RIMS1: variants seen among roughly 807,000 people sequenced by gnomAD.
RIMS1 encodes the protein regulating synaptic membrane exocytosis 1.
A neutral mutation model predicts 214.1 loss-of-function variants in RIMS1; 83 were observed. The observed-to-expected ratio is 0.39, with a 90% confidence interval of 0.32 to 0.47. The LOEUF (loss-of-function observed/expected upper bound fraction) is 0.47, where lower values mean the gene tolerates loss of function less well. Among genes scored for constraint, RIMS1 ranks in the 20% least tolerant of loss-of-function variants. The pLI is 0.99. For synonymous variants in RIMS1, 793 were observed against 786.8 expected, an observed-to-expected ratio of 1.01 and a Z score of -0.13; for missense variants, 2,050 against 2,161.8, an observed-to-expected ratio of 0.95 and a Z score of 1.03.
At chr6:72,242,114 A>G (rs2067213556) in intron 9 of RIMS1, among the ~76,000 whole-genome samples, 200 bp from the exon 10 acceptor site, 1 of 152,082 alleles carries the variant, frequency 6.6e-6, no homozygotes, top group South Asian at 2.1e-4. Flanking sequence ...GGGGAAAAAA[A>G]GAAAAACAAA....
intron 23 of RIMS1, 34 bp from the exon 24 acceptor site, chr6:72,284,013 T>A (rs2091376653): frequency 6.6e-7 from 1 of 1,524,126 alleles, no homozygotes. Flanking sequence ...GCTTTATTCA[T>A]CATATATTTT....
intron 2 of RIMS1, among the ~76,000 whole-genome samples, chr6:72,003,125 T>G (rs1264366842): frequency 1.3e-5 from 2 of 152,136 alleles, no homozygotes; most frequent in African/African-American, 4.8e-5. Context: ...GGACTCAAAA[T>G]AACACTTAGG....
At chr6:72,007,750 G>T (rs1808386913) in intron 2 of RIMS1, among the ~76,000 whole-genome samples, 1 of 152,172 alleles carries the variant, frequency 6.6e-6, no homozygotes, top group South Asian at 2.1e-4. Context: ...TGAACGAAAT[G>T]AAGCGAGAAG....
At chr6:72,339,967 G>C (rs1448365790) in intron 29 of RIMS1, among the ~76,000 whole-genome samples, 1 of 152,030 alleles carries the variant, frequency 6.6e-6, no homozygotes, top group African/African-American at 2.4e-5. Context: ...ACTTTTTAAT[G>C]ATCACCATTC....
chr6:72,182,139 A>G lies in RIMS1; in HGVS notation c.813-145A>G. The G allele has an allele frequency of 7.5e-6, 6 of 798,960 alleles. No individual in the cohort carries two copies. In the South Asian group the frequency reaches 1.4e-4, roughly 19 times the overall value. The allele number at this position is 798,960 out of a possible 1,614,324, so 49.5% of individuals were successfully genotyped here. A position where few individuals can be genotyped will look rare whatever the true frequency, so the allele number is the denominator to read the frequency against. Reference sequence around the variant, plus strand: ...ATCCCTTACCTTGTAAAATTCCAACACCCTTACAGTTCCACCTTCAGATCC... The same window carrying G: ...ATCCCTTACCTTGTAAAATTCCAACGCCCTTACAGTTCCACCTTCAGATCC... On this transcript the variant is annotated intron_variant, in intron 5 of 33. Coordinates refer to ENST00000521978, the MANE Select transcript of RIMS1 (RefSeq NM_014989.7).
intron 23 of RIMS1, among the ~76,000 whole-genome samples, chr6:72,277,687 TGTA>T (rs1333339914): frequency 6.6e-6 from 1 of 152,148 alleles, no homozygotes; most frequent in Non-Finnish European, 1.5e-5. Context: ...ATTTTAAAAT[TGTA>T]GTGAAAATTT....
chr6:71,937,179 C>T (rs1178015072), intron 1 of RIMS1, among the ~76,000 whole-genome samples: 1 of 152,058 alleles, frequency 6.6e-6, no homozygotes, highest in Non-Finnish European at 1.5e-5. Context: ...TGCTGTTATG[C>T]CAGATTGCCA....
chr6:71,927,720 T>C lies in RIMS1; in HGVS notation c.164+40533T>C, dbSNP rs538024823. 3.3e-5 allele frequency among the ~76,000 whole-genome samples: 5 copies of C among 152,256 alleles called. No individual in the cohort carries two copies. The East Asian group carries it at 9.6e-4, about 29-fold the overall frequency. On this transcript the variant is annotated intron_variant, in intron 1 of 33. Transcript: ENST00000521978. ...CAACTAATGGTTAGCTCTTCTTTTT[T>C]GAACTTTATCATTACTTTGAAAAAA...
At chr6:71,945,272 GA>G (rs1441357210) in intron 1 of RIMS1, among the ~76,000 whole-genome samples, 1 of 152,038 alleles carries the variant, frequency 6.6e-6, no homozygotes, top group Non-Finnish European at 1.5e-5. Flanking sequence ...CAGCTATGGG[GA>G]AAAAAAGAGA....
chr6:72,345,967 CA>C (rs1363982983), intron 29 of RIMS1, among the ~76,000 whole-genome samples: 2 of 151,574 alleles, frequency 1.3e-5, no homozygotes, highest in Non-Finnish European at 3.0e-5. Flanking sequence ...ATAGAACTGG[CA>C]ATTGAAATCA....
Position 72,182,541 on chromosome 6 carries a change from G to A in RIMS1, c.1070G>A (p.Ser357Asn). The change falls in exon 6 of 34, where the codon AGC becomes AAC. Residue 357 changes from serine to asparagine, a missense_variant. Around this residue, in one of 6 missense-constraint regions of RIMS1, gnomAD observed 882 missense variants for 828.9 expected, o/e 1.06. Coordinates refer to ENST00000521978, the MANE Select transcript of RIMS1 (RefSeq NM_014989.7). ...KEEDYQTRYR[S>N]DPNLARYPVK... The stretch of plus-strand genomic sequence containing the variant: ...GAGGATTATCAGACCAGGTACCGCA[G>A]CGACCCGAACCTAGCTCGGTACCCG... The A allele has an allele frequency of 1.9e-6, 3 of 1,559,476 alleles. No homozygotes were observed. Among genetic ancestry groups the A allele is most frequent in the East Asian group, 2.4e-5 (1 of 41,466 alleles).
At chr6:72,282,610 C>T (rs923547250) in intron 23 of RIMS1, among the ~76,000 whole-genome samples, 1 of 152,074 alleles carries the variant, frequency 6.6e-6, no homozygotes, top group African/African-American at 2.4e-5. Context: ...AGCTTAGGAG[C>T]CAGATAAACT....
intron 2 of RIMS1, among the ~76,000 whole-genome samples, chr6:72,052,881 A>T (rs918695769): frequency 6.6e-6 from 1 of 152,198 alleles, no homozygotes; most frequent in African/African-American, 2.4e-5. Flanking sequence ...AAGGGAAAGC[A>T]CAAAGGTTGT....
At chr6:72,392,866 C>A (rs2098721857) in intron 31 of RIMS1, 56 bp downstream of exon 31, 22 of 1,243,758 alleles carry the variant, frequency 1.8e-5, no homozygotes, top group South Asian at 3.9e-5. Flanking sequence ...TTGACAAAGT[C>A]ATTTAAAATA....
At chr6:72,238,388 GCATAAT>G (rs2065188732) in intron 9 of RIMS1, among the ~76,000 whole-genome samples, 1 of 151,876 alleles carries the variant, frequency 6.6e-6, no homozygotes, top group Non-Finnish European at 1.5e-5. Context: ...TTTTTATAAA[GCATAAT>G]CATAATCACA....
At chr6:72,195,623 T>C (rs752772380) in intron 6 of RIMS1, among the ~76,000 whole-genome samples, 1 of 152,124 alleles carries the variant, frequency 6.6e-6, no homozygotes, top group Non-Finnish European at 1.5e-5. Context: ...CCTTTAAATG[T>C]AACTTATGCA....
intron 1 of RIMS1, among the ~76,000 whole-genome samples, chr6:71,890,430 CCTAA>C (rs1184261309): frequency 3.1e-4 from 14 of 45,214 alleles, no homozygotes; most frequent in Admixed American, 1.7e-3. Context: ...CTTTCTGAAA[CCTAA>C]CTTTCTCGAT....
intron 4 of RIMS1, among the ~76,000 whole-genome samples, chr6:72,172,799 G>C (rs149610921): frequency 6.6e-6 from 1 of 152,078 alleles, no homozygotes; most frequent in Non-Finnish European, 1.5e-5. Flanking sequence ...CTATGCATTT[G>C]ATCAATTTGC....
chr6:72,090,201 C>G (rs1316408998), intron 2 of RIMS1, among the ~76,000 whole-genome samples: 1 of 152,116 alleles, frequency 6.6e-6, no homozygotes, highest in East Asian at 1.9e-4. Context: ...GAGATTGGGT[C>G]TAGCTTTGTT....
Sources: gnomAD v4.1 joint callset for allele counts (sites outside exome capture counted in the v4.1 genomes callset) on GRCh38, gnomAD v4.1.1 for gene constraint, gnomAD v4.1.1 regional missense constraint, MANE v1.5 for transcripts, NCBI Gene and HGNC (gene_info 2026-07-23, HGNC 2026-07-21) for gene names.